Variants in CCNB1IP1 observed in about 807,000 individuals in gnomAD.
CCNB1IP1 encodes E3 ubiquitin-protein ligase CCNB1IP1.
In CCNB1IP1, 14 loss-of-function variants were observed where a neutral mutation model predicts 25.6. The ratio of observed to expected loss-of-function variants is 0.55; its 90% CI spans 0.36 to 0.85. The LOEUF is 0.85. Among genes scored for constraint, CCNB1IP1 ranks in the 40% least tolerant of loss-of-function variants. The pLI, the probability that CCNB1IP1 is intolerant of heterozygous loss-of-function variation, is 0.01. For missense variants in CCNB1IP1, 278 were observed against 342.4 expected (o/e 0.81, Z 1.48); for synonymous variants, 119 against 116.1 (o/e 1.02, Z -0.16).
chr14:20,315,018 G>A (rs1266887046), intron 5 of CCNB1IP1, among the ~76,000 whole-genome samples: 4 of 148,294 alleles, frequency 2.7e-5, no homozygotes, highest in Admixed American at 6.8e-5. Flanking sequence ...GTGAACCCGG[G>A]AGGCAGAGCT....
At chr14:20,315,509 C>A (rs2138845353) in intron 5 of CCNB1IP1, 3 of 1,143,852 alleles carry the variant, frequency 2.6e-6, no homozygotes, top group Non-Finnish European at 1.1e-6. Flanking sequence ...TAAAAAGTTA[C>A]TTGACAGATG....
chr14:20,331,882 C>T (rs1203397336), intron 1 of CCNB1IP1, among the ~76,000 whole-genome samples: 1 of 141,204 alleles, frequency 7.1e-6, no homozygotes, highest in Non-Finnish European at 1.6e-5. Context: ...CTTAGTAACA[C>T]TGTTATGAGG....
Position 20,311,392 on chromosome 14 carries a change from A to ATT in CCNB1IP1, c.*156_*157dup. ...CTGTAAAGTTAGCTAAATTATCTTT[A>ATT]TTTTTTTTTAGAAACAGGGTCTCAC... On this transcript the variant is annotated 3_prime_UTR_variant, in exon 7 of 7. Transcript: ENST00000358932. 2.0e-6 allele frequency: 1 copy of ATT among 508,302 alleles called. No homozygotes were observed. The highest frequency in any genetic ancestry group is 3.5e-6 in the Non-Finnish European group (1 of 285,248). 31.5% of individuals were successfully genotyped at this position (508,302 alleles called of 1,614,324 possible). A position where few individuals can be genotyped will look rare whatever the true frequency, so the allele number is the denominator to read the frequency against.
At chr14:20,322,623 T>TATAA (rs1555313698) in intron 4 of CCNB1IP1, among the ~76,000 whole-genome samples, 95 of 103,128 alleles carry the variant, frequency 9.2e-4, no homozygotes, top group African/African-American at 2.6e-3. Context: ...ATATATATAA[T>TATAA]TTTTTTTTTT....
At chr14:20,320,440 A>G (rs578054851) in intron 4 of CCNB1IP1, 2 of 386,802 alleles carry the variant, frequency 5.2e-6, no homozygotes. Context: ...TCAAAATATT[A>G]GAAATGTATT....
chr14:20,316,147 A>C (rs1882686542), intron 5 of CCNB1IP1, 80 bp downstream of exon 5: 1 of 1,242,702 alleles, frequency 8.0e-7, no homozygotes, highest in Non-Finnish European at 1.1e-6. Flanking sequence ...ATTAATAATA[A>C]TACAATGAAG....
intron 5 of CCNB1IP1, among the ~76,000 whole-genome samples, 149 bp downstream of exon 5, chr14:20,316,074 CAATA>C (rs1263563333): frequency 6.6e-6 from 1 of 151,988 alleles, no homozygotes; most frequent in Non-Finnish European, 1.5e-5. Flanking sequence ...TGATTTTCAA[CAATA>C]AACAGTATTG....
intron 1 of CCNB1IP1, among the ~76,000 whole-genome samples, chr14:20,331,105 T>C (rs993499056): frequency 9.8e-5 from 15 of 152,356 alleles, no homozygotes; most frequent in Non-Finnish European, 1.6e-4. Context: ...GCTTCCTTTT[T>C]TATTTTGCAT....
At chr14:20,329,677 G>A (rs1889361) in intron 1 of CCNB1IP1, among the ~76,000 whole-genome samples, 86,865 of 152,040 alleles carry the variant, frequency 0.57, 25,953 homozygotes, top group African/African-American at 0.76. Context: ...TGACATACTA[G>A]TTTTATTTCC....
rs1404188990 is a variant in CCNB1IP1, at chr14:20,330,337, G to C, written c.-430-964C>G. ...ACAATAGACACTAGGTACTCCAAAA[G>C]GAGGAAAAGAGAGAGAGGGGCAAGA... On this transcript the variant is annotated intron_variant, in intron 1 of 6. Transcript: ENST00000358932. Among the ~76,000 whole-genome samples the C allele has an allele frequency of 2.0e-5, 3 of 152,026 alleles. No individual in the cohort carries two copies. The East Asian group carries it at 5.8e-4, about 29-fold the overall frequency.
At chr14:20,323,917 C>CA (rs59156707) in intron 4 of CCNB1IP1, among the ~76,000 whole-genome samples, 18,182 of 73,282 alleles carry the variant, frequency 0.25, 2,848 homozygotes, top group South Asian at 0.29. Flanking sequence ...GACTCCGTCT[C>CA]AAAAAAAAAA....
chr14:20,322,621 A>AT (rs1555313687), intron 4 of CCNB1IP1, among the ~76,000 whole-genome samples: 6,278 of 126,188 alleles, frequency 0.05, 336 homozygotes, highest in African/African-American at 0.16. Context: ...ATATATATAT[A>AT]ATTTTTTTTT....
intron 5 of CCNB1IP1, 115 bp from the exon 6 acceptor site, chr14:20,313,916 C>T: frequency 1.4e-6 from 1 of 725,916 alleles, no homozygotes; most frequent in Non-Finnish European, 2.1e-6. Context: ...GTTATTTTAT[C>T]ATTTAGAACC....
Position 20,325,569 on chromosome 14 carries a change from G to A in CCNB1IP1, c.-68C>T, listed in dbSNP as rs1039730457. ...AAGAAAAACGCAGTACTCATCTACA[G>A]TATATCCAGGATTTACAGCACCAAA... On this transcript the variant is annotated 5_prime_UTR_variant, in exon 4 of 7. Coordinates refer to ENST00000358932, the MANE Select transcript of CCNB1IP1 (RefSeq NM_021178.5). The A allele has an allele frequency of 1.3e-5, 2 of 152,120 alleles. No homozygotes were observed. Among genetic ancestry groups the A allele is most frequent in the African/African-American group, 4.8e-5 (2 of 41,408 alleles). The allele number at this position is 152,120 out of a possible 1,614,324, so 9.4% of individuals were successfully genotyped here.
chr14:20,313,781 A>G lies in CCNB1IP1; in HGVS notation c.318T>C (p.Tyr106=), dbSNP rs1234695997. Residue 106 remains tyrosine (Y), a synonymous_variant, in exon 6 of 7, where the codon TAT becomes TAC. Coordinates refer to ENST00000358932, the MANE Select transcript of CCNB1IP1 (RefSeq NM_021178.5). ...CAGCCTTGCTGAAATTGTATTCTTGATAGAGACGTTCCTGATGTACCTGGT... is the reference window on the plus strand; with the variant it reads ...CAGCCTTGCTGAAATTGTATTCTTGGTAGAGACGTTCCTGATGTACCTGGT... The part of the protein sequence containing the change: ...WTYQVHQERL[Y]QEYNFSKAEG... 1.3e-6 allele frequency: 2 copies of G among 1,583,732 alleles called. No homozygotes were observed. The highest frequency in any genetic ancestry group is 1.7e-6 in the Non-Finnish European group (2 of 1,166,360).
At chr14:20,317,518 GTTAAGA>G (rs1048109332) in intron 4 of CCNB1IP1, 1 of 152,342 alleles carries the variant, frequency 6.6e-6, no homozygotes, top group Non-Finnish European at 1.5e-5. Context: ...GGCAGCCACA[GTTAAGA>G]TTAAGAGGCC....
chr14:20,330,055 G>A (rs1883186668), intron 1 of CCNB1IP1, among the ~76,000 whole-genome samples: 1 of 148,458 alleles, frequency 6.7e-6, no homozygotes, highest in Non-Finnish European at 1.5e-5. Flanking sequence ...CAGCTAGTGA[G>A]TAGAAAGGCA....
intron 1 of CCNB1IP1, among the ~76,000 whole-genome samples, chr14:20,331,114 A>G (rs1024951505): frequency 1.3e-5 from 2 of 152,182 alleles, no homozygotes; most frequent in South Asian, 2.1e-4. Context: ...TTTATTTTGC[A>G]TGTTTACATC....
At chr14:20,324,829 CTCTT>C (rs544285768) in intron 4 of CCNB1IP1, among the ~76,000 whole-genome samples, 161 of 151,832 alleles carry the variant, frequency 1.1e-3, no homozygotes, top group Non-Finnish European at 1.9e-3. Flanking sequence ...CTTTAATTGA[CTCTT>C]TTTTTTGGAG....
Sources: allele counts gnomAD v4.1 joint callset (sites outside exome capture counted in the v4.1 genomes callset), GRCh38; gene constraint gnomAD v4.1.1; transcripts MANE v1.5; gene names NCBI Gene and HGNC (gene_info 2026-07-23, HGNC 2026-07-21).